POU6F2: variants seen among roughly 807,000 people sequenced by gnomAD.
POU6F2 encodes POU domain, class 6, transcription factor 2.
POU6F2 carries 31 observed loss-of-function variants against 71.3 expected under a neutral mutation model. The ratio of observed to expected loss-of-function variants is 0.43; its 90% CI spans 0.33 to 0.59. POU6F2 has a LOEUF of 0.59. Among genes scored for constraint, POU6F2 ranks in the 20% least tolerant of loss-of-function variants. The probability of loss-of-function intolerance (pLI) is 0.04; values close to 1 mark genes in which losing one functional copy is unlikely to be tolerated. For missense variants in POU6F2, 783 were observed against 856.8 expected, an observed-to-expected ratio of 0.91 and a Z score of 1.07; for synonymous variants, 347 against 355.7, an observed-to-expected ratio of 0.98 and a Z score of 0.27.
chr7:39,295,566 A>G (rs1213862611), intron 4 of POU6F2, among the ~76,000 whole-genome samples: 2 of 152,238 alleles, frequency 1.3e-5, no homozygotes, highest in Non-Finnish European at 2.9e-5. Context: ...CAGTGAGCCA[A>G]GATTGCCCCA....
intron 2 of POU6F2, among the ~76,000 whole-genome samples, chr7:39,124,696 A>G (rs1340570335): frequency 6.6e-6 from 1 of 152,204 alleles, no homozygotes; most frequent in African/African-American, 2.4e-5. Flanking sequence ...TCTTGCCACA[A>G]AACAACCACG....
chr7:39,162,266 A>G, intron 2 of POU6F2, among the ~76,000 whole-genome samples: 1 of 152,198 alleles, frequency 6.6e-6, no homozygotes, highest in Non-Finnish European at 1.5e-5. Context: ...AGTGAGGAAT[A>G]TTTACAGTAG....
chr7:39,306,783 G>A (rs1408645437), intron 4 of POU6F2, among the ~76,000 whole-genome samples: 1 of 152,202 alleles, frequency 6.6e-6, no homozygotes, highest in Non-Finnish European at 1.5e-5. Context: ...CAGCATGTCT[G>A]GAGCATGATT....
chr7:39,195,514 G>C (rs968909925), intron 2 of POU6F2, among the ~76,000 whole-genome samples: 5 of 152,168 alleles, frequency 3.3e-5, no homozygotes, highest in African/African-American at 4.8e-5. Context: ...AGATATCACT[G>C]TCATTCTCAC....
At chr7:39,447,370 C>T (rs2116099469) in intron 7 of POU6F2, among the ~76,000 whole-genome samples, 1 of 152,286 alleles carries the variant, frequency 6.6e-6, no homozygotes, top group East Asian at 1.9e-4. Context: ...TTTCCCTGAC[C>T]TGTAACTGCT....
chr7:38,993,154 C>T (rs1447701393), intron 1 of POU6F2, among the ~76,000 whole-genome samples: 1 of 152,056 alleles, frequency 6.6e-6, no homozygotes, highest in African/African-American at 2.4e-5. Flanking sequence ...TATTTGATCA[C>T]TTGACATTTA....
intron 1 of POU6F2, among the ~76,000 whole-genome samples, chr7:39,043,878 G>A (rs1527949): frequency 0.22 from 33,522 of 151,714 alleles, 3,827 homozygotes; most frequent in South Asian, 0.36. Context: ...CCATTGTCCA[G>A]GTTTTCAGGA....
chr7:39,436,925 T>G (rs1788258701), intron 7 of POU6F2, among the ~76,000 whole-genome samples: 1 of 152,246 alleles, frequency 6.6e-6, no homozygotes, highest in Admixed American at 6.5e-5. Flanking sequence ...TGGATTACGC[T>G]TATTCATTTG....
At chr7:39,056,662 C>CTCTCTCTCTGTGTG (rs1554313685) in intron 1 of POU6F2, among the ~76,000 whole-genome samples, 1 of 113,330 alleles carries the variant, frequency 8.8e-6, no homozygotes, top group African/African-American at 3.7e-5. Flanking sequence ...CTCTCTCTCT[C>CTCTCTCTCTGTGTG]TGTGTGTGTG....
At chr7:39,233,823 C>G (rs1438350320) in intron 4 of POU6F2, among the ~76,000 whole-genome samples, 1 of 152,162 alleles carries the variant, frequency 6.6e-6, no homozygotes, top group East Asian at 1.9e-4. Context: ...AACCCGGTCA[C>G]TTTAATTATA....
At chr7:39,383,503 T>C (rs189204096) in intron 5 of POU6F2, among the ~76,000 whole-genome samples, 137 of 152,300 alleles carry the variant, frequency 9.0e-4, no homozygotes, top group Middle Eastern at 3.4e-3. Context: ...GACCCCCAAT[T>C]AGATCAATCC....
intron 1 of POU6F2, among the ~76,000 whole-genome samples, chr7:38,979,526 A>G (rs1238774400): frequency 6.6e-6 from 1 of 152,212 alleles, no homozygotes; most frequent in Non-Finnish European, 1.5e-5. Context: ...TTCTATAAGC[A>G]TATATAAAGT....
intron 5 of POU6F2, among the ~76,000 whole-genome samples, chr7:39,366,696 AG>A (rs1285979800): frequency 6.6e-6 from 1 of 152,088 alleles, no homozygotes; most frequent in Non-Finnish European, 1.5e-5. Flanking sequence ...TGGGGCAAAA[AG>A]GTGTGGGGCA....
chr7:39,083,529 C>G (rs1016040342), intron 1 of POU6F2: 2 of 140,000 alleles, frequency 1.4e-5, no homozygotes, highest in South Asian at 5.4e-4. Context: ...AATCAGAACT[C>G]GAACATGCAT....
chr7:38,990,894 C>T (rs780915273), intron 1 of POU6F2, among the ~76,000 whole-genome samples: 34 of 152,054 alleles, frequency 2.2e-4, no homozygotes, highest in Non-Finnish European at 4.6e-4. Flanking sequence ...TAGAATCCAA[C>T]ACAGTAGACA....
intron 2 of POU6F2, among the ~76,000 whole-genome samples, chr7:39,151,138 G>A (rs920489063): frequency 1.7e-4 from 26 of 152,022 alleles, no homozygotes; most frequent in African/African-American, 5.8e-4. Flanking sequence ...CTACTGAAGT[G>A]GCATTGCTTT....
chr7:39,237,995 C>A (rs1794704376), intron 4 of POU6F2, among the ~76,000 whole-genome samples: 1 of 152,038 alleles, frequency 6.6e-6, no homozygotes, highest in African/African-American at 2.4e-5. Flanking sequence ...GAATCGCAGT[C>A]TTTGAGATGT....
At chr7:39,009,817 G>A (rs1215909666) in intron 1 of POU6F2, among the ~76,000 whole-genome samples, 1 of 150,238 alleles carries the variant, frequency 6.7e-6, no homozygotes, top group Non-Finnish European at 1.5e-5. Context: ...TTATATGCTG[G>A]ATTACATTTA....
intron 6 of POU6F2, among the ~76,000 whole-genome samples, chr7:39,421,370 A>T (rs370383571): frequency 6.6e-6 from 1 of 152,216 alleles, no homozygotes. Flanking sequence ...ACAACAATGG[A>T]TATTCTCTTC....
Sources: allele counts gnomAD v4.1 joint callset (sites outside exome capture counted in the v4.1 genomes callset), GRCh38; gene constraint gnomAD v4.1.1; transcripts MANE v1.5; gene names NCBI Gene and HGNC (gene_info 2026-07-23, HGNC 2026-07-21).